The following SCLT1 variants were observed in gnomAD, a reference collection of about 807,000 sequenced individuals.
SCLT1 encodes the protein sodium channel-associated protein 1.
Under a neutral mutation model 112.8 loss-of-function variants are expected in SCLT1, and 78 were observed. The observed-to-expected ratio is 0.69, with a 90% CI of 0.58 to 0.83. The LOEUF (loss-of-function observed/expected upper bound fraction) is 0.83, where lower values mean the gene tolerates loss of function less well. Ranked by LOEUF, SCLT1 falls within the 40% of genes least tolerant of loss-of-function variation. The pLI is 0.00. For missense variants in SCLT1, 747 were observed against 770.4 expected (o/e 0.97, Z 0.36); for synonymous variants, 257 against 254.7 (o/e 1.01, Z -0.09).
intron 18 of SCLT1, 56 bp downstream of exon 18, chr4:128,936,599 T>C (rs1737200767): frequency 9.2e-7 from 1 of 1,086,926 alleles, no homozygotes; most frequent in South Asian, 1.6e-5. Flanking sequence ...GACATTAAAC[T>C]ATAGGTTAAA....
chr4:129,001,577 T>C (rs986885049), intron 6 of SCLT1, among the ~76,000 whole-genome samples: 7 of 152,120 alleles, frequency 4.6e-5, no homozygotes, highest in African/African-American at 1.4e-4. Flanking sequence ...ATAAAATCTA[T>C]GTGGTGTCAT....
chr4:128,909,107 C>T (rs1236851723), intron 18 of SCLT1, among the ~76,000 whole-genome samples: 1 of 152,124 alleles, frequency 6.6e-6, no homozygotes, highest in Non-Finnish European at 1.5e-5. Context: ...ACTAGCTGTT[C>T]TCTTTGCTTA....
At chr4:129,000,450 T>A (rs1560946882) in intron 6 of SCLT1, among the ~76,000 whole-genome samples, 1 of 152,040 alleles carries the variant, frequency 6.6e-6, no homozygotes, top group Non-Finnish European at 1.5e-5. Flanking sequence ...CATACAGTAT[T>A]ATCTAAGTGT....
chr4:128,911,916 A>G (rs1735127340), intron 18 of SCLT1, among the ~76,000 whole-genome samples: 2 of 152,256 alleles, frequency 1.3e-5, no homozygotes, highest in African/African-American at 4.8e-5. Flanking sequence ...TTCAATGCAT[A>G]CAACTAATTT....
At chr4:129,090,534 G>A (rs1373157726) in intron 1 of SCLT1, among the ~76,000 whole-genome samples, 1 of 152,116 alleles carries the variant, frequency 6.6e-6, no homozygotes, top group Non-Finnish European at 1.5e-5. Context: ...TTGCAGCCTT[G>A]GGTTAGGCAA....
chr4:128,957,086 C>A lies in SCLT1; in HGVS notation c.1086G>T (p.Glu362Asp). 6.2e-7 allele frequency: 1 copy of A among 1,601,826 alleles called. No individual in the cohort carries two copies. Among genetic ancestry groups the A allele is most frequent in the Non-Finnish European group, 8.5e-7 (1 of 1,172,570 alleles). ...ACCGAGAAACTGTCTCTTTCATTTT[C>A]TCTATGTCTTCTTCTTTTTGCTTCT... ...LEEKQKEEDI[E>D]KMKETVSRFV... Residue 362 changes from glutamate (E) to aspartate (D), a missense_variant, in exon 13 of 21, where the codon GAG (glutamate) becomes GAT (aspartate). Physicochemically the swap from Glu to Asp is conservative, Grantham distance 45. Transcript: ENST00000281142.
intron 5 of SCLT1, among the ~76,000 whole-genome samples, chr4:129,032,771 A>G (rs1202126523): frequency 1.3e-5 from 2 of 151,634 alleles, no homozygotes; most frequent in Non-Finnish European, 3.0e-5. Context: ...TGCGAATCAG[A>G]ACTACAATGA....
At chr4:128,917,268 T>A (rs1735553359) in intron 18 of SCLT1, among the ~76,000 whole-genome samples, 1 of 152,150 alleles carries the variant, frequency 6.6e-6, no homozygotes, top group Admixed American at 6.5e-5. Flanking sequence ...TTCCATTTTC[T>A]CTCTCTTGAT....
chr4:129,071,311 T>C (rs1206525214), intron 2 of SCLT1, among the ~76,000 whole-genome samples: 1 of 152,174 alleles, frequency 6.6e-6, no homozygotes, highest in Non-Finnish European at 1.5e-5. Context: ...CAAGGTATAG[T>C]TTAAATCCCT....
chr4:128,883,659 C>T (rs922555348), downstream of SCLT1, among the ~76,000 whole-genome samples: 1 of 152,094 alleles, frequency 6.6e-6, no homozygotes, highest in Non-Finnish European at 1.5e-5. Flanking sequence ...TTCATGTCAC[C>T]TTCAACTCAA....
At chr4:128,951,675 G>A (rs1163430410) in intron 14 of SCLT1, among the ~76,000 whole-genome samples, 1 of 151,982 alleles carries the variant, frequency 6.6e-6, no homozygotes, top group African/African-American at 2.4e-5. Context: ...ATCAGCCCAT[G>A]AAAGAAAACA....
intron 16 of SCLT1, among the ~76,000 whole-genome samples, chr4:128,945,230 T>C (rs1738044232): frequency 6.6e-6 from 1 of 152,262 alleles, no homozygotes; most frequent in South Asian, 2.1e-4. Flanking sequence ...AAGAGACATA[T>C]GGATATACAC....
chr4:128,915,252 G>C (rs550685982), intron 18 of SCLT1, among the ~76,000 whole-genome samples: 1 of 152,252 alleles, frequency 6.6e-6, no homozygotes, highest in African/African-American at 2.4e-5. Context: ...AGTTCACAGA[G>C]GTCTGTGTTA....
At chr4:129,005,723 T>C (rs1743941510) in intron 5 of SCLT1, among the ~76,000 whole-genome samples, 1 of 151,502 alleles carries the variant, frequency 6.6e-6, no homozygotes, top group Non-Finnish European at 1.5e-5. Flanking sequence ...ACACGTATGT[T>C]TATTGCGGCA....
chr4:128,878,672 A>G (rs1436542420), intron 3 of SCLT1, among the ~76,000 whole-genome samples: 1 of 152,204 alleles, frequency 6.6e-6, no homozygotes, highest in African/African-American at 2.4e-5. Context: ...ACTAAACACA[A>G]TTTAACATTT....
intron 1 of SCLT1, among the ~76,000 whole-genome samples, chr4:129,092,865 G>A (rs1579995874): frequency 6.6e-6 from 1 of 152,244 alleles, no homozygotes; most frequent in East Asian, 1.9e-4. Flanking sequence ...AGAATTCTGT[G>A]TAAGCTACAA....
At chr4:128,888,361 T>G (rs1385373240) in intron 20 of SCLT1, among the ~76,000 whole-genome samples, 1 of 151,936 alleles carries the variant, frequency 6.6e-6, no homozygotes, top group South Asian at 2.1e-4. Context: ...GAAACAGAGA[T>G]ATGCGCCACT....
intron 6 of SCLT1, among the ~76,000 whole-genome samples, chr4:129,001,953 T>G (rs764851055): frequency 4.6e-5 from 7 of 152,018 alleles, no homozygotes; most frequent in Admixed American, 6.6e-5. Flanking sequence ...ACAGCATGCT[T>G]TCCTCATTAT....
At chr4:128,951,368 G>C (rs1234015025) in intron 14 of SCLT1, among the ~76,000 whole-genome samples, 1 of 151,998 alleles carries the variant, frequency 6.6e-6, no homozygotes, top group Non-Finnish European at 1.5e-5. Flanking sequence ...CATATCTTTA[G>C]AAAAATCACT....
Sources: allele counts gnomAD v4.1 joint callset (sites outside exome capture counted in the v4.1 genomes callset), GRCh38; gene constraint gnomAD v4.1.1; transcripts MANE v1.5; gene names NCBI Gene and HGNC (gene_info 2026-07-23, HGNC 2026-07-21).